The following TRDN variants were observed in gnomAD, a reference collection of about 807,000 sequenced individuals.
TRDN encodes triadin, also known as triadin in skeletal muscle.
In TRDN, 161 loss-of-function variants were observed where a neutral mutation model predicts 149.7. The observed-to-expected ratio is 1.08, with a 90% CI of 0.95 to 1.23. The LOEUF (loss-of-function observed/expected upper bound fraction) is 1.23. Among genes scored for constraint, TRDN ranks in the 50% most tolerant of loss-of-function variants. TRDN has a pLI of 0.00. For missense variants in TRDN, 896 were observed against 823.5 expected (o/e 1.09, Z -1.08); for synonymous variants, 294 against 250.5 (o/e 1.17, Z -1.64).
chr6:123,331,825 T>C, intron 23 of TRDN, 54 bp downstream of exon 23: 1 of 1,198,550 alleles, frequency 8.3e-7, no homozygotes, highest in Non-Finnish European at 1.1e-6. Context: ...TGCAAATAAC[T>C]GAATATGCAA....
chr6:123,349,478 A>G, intron 21 of TRDN: 2 of 878,768 alleles, frequency 2.3e-6, no homozygotes, highest in Non-Finnish European at 2.7e-6. Flanking sequence ...AGGAATCTAT[A>G]ATATTATCAT....
chr6:123,398,086 C>A (rs767112430), intron 12 of TRDN, among the ~76,000 whole-genome samples: 2 of 152,224 alleles, frequency 1.3e-5, no homozygotes, highest in Non-Finnish European at 2.9e-5. Context: ...CTCACTGCAA[C>A]CTCCGCCTCC....
chr6:123,535,841 T>C (rs1780500571), intron 4 of TRDN, among the ~76,000 whole-genome samples: 1 of 152,162 alleles, frequency 6.6e-6, no homozygotes, highest in Admixed American at 6.5e-5. Flanking sequence ...TATAAATCTA[T>C]AGTATACTAA....
chr6:123,289,012 GGGGGGT>G (rs1165287392), intron 24 of TRDN, among the ~76,000 whole-genome samples: 4 of 95,774 alleles, frequency 4.2e-5, no homozygotes, highest in Non-Finnish European at 8.8e-5. Context: ...TTAAAAATGT[GGGGGGT>G]GTGTGTGTGT....
intron 37 of TRDN, among the ~76,000 whole-genome samples, chr6:123,254,200 G>A (rs926301859): frequency 6.6e-6 from 1 of 151,962 alleles, no homozygotes; most frequent in Non-Finnish European, 1.5e-5. Context: ...TTAAAAGAAT[G>A]TTTCAATATA....
At chr6:123,385,275 A>T (rs1781864098) in intron 14 of TRDN, among the ~76,000 whole-genome samples, 1 of 152,002 alleles carries the variant, frequency 6.6e-6, no homozygotes, top group Admixed American at 6.6e-5. Flanking sequence ...AAAATACAAA[A>T]AAATTAGCCG....
At position 123,255,102 on chromosome 6, in the gene TRDN, G is replaced by T; in HGVS notation, c.1930C>A (p.Gln644Lys). 1 of 1,377,722 alleles carries T rather than the reference G, an allele frequency of 7.3e-7. No homozygotes were observed. The allele number at this position is 1,377,722 out of a possible 1,614,324, so 85.3% of individuals were successfully genotyped here. Residue 644 changes from glutamine (Q) to lysine (K), a missense_variant, in exon 37 of 41, where the codon CAA (glutamine) becomes AAA (lysine). Physicochemically the swap from Gln to Lys is moderately conservative, Grantham distance 53. Transcript: ENST00000334268. ...EKVSTRKESLQLHNVTKAEKP... is the reference protein window; with the variant it reads ...EKVSTRKESLKLHNVTKAEKP... ...TTACCTTTTGTCACATTGTGTAATT[G>T]AAGACTTTCTTTTCTTGTTGAGACT... is the stretch of plus-strand genomic sequence containing the variant.
chr6:123,246,513 C>T (rs994335953), intron 38 of TRDN, among the ~76,000 whole-genome samples: 1 of 151,984 alleles, frequency 6.6e-6, no homozygotes, highest in Admixed American at 6.6e-5. Context: ...GACACATACA[C>T]CCTCCCAAGA....
At chr6:123,437,722 T>C (rs990536224) in intron 12 of TRDN, among the ~76,000 whole-genome samples, 2 of 152,128 alleles carry the variant, frequency 1.3e-5, no homozygotes, top group African/African-American at 4.8e-5. Flanking sequence ...CTTCTTACCA[T>C]GCAGATATAA....
At chr6:123,319,505 T>C (rs980072621) in intron 23 of TRDN, among the ~76,000 whole-genome samples, 1 of 152,122 alleles carries the variant, frequency 6.6e-6, no homozygotes, top group Non-Finnish European at 1.5e-5. Flanking sequence ...ACTTTATATA[T>C]GAAGCTTAAT....
chr6:123,305,108 G>A (rs1244471652), intron 24 of TRDN, among the ~76,000 whole-genome samples: 2 of 152,028 alleles, frequency 1.3e-5, no homozygotes, highest in Non-Finnish European at 2.9e-5. Context: ...TACTACCAAG[G>A]TGCCAAGGCT....
intron 10 of TRDN, among the ~76,000 whole-genome samples, chr6:123,456,592 C>T (rs758687454): frequency 4.6e-5 from 7 of 152,038 alleles, no homozygotes; most frequent in African/African-American, 7.2e-5. Flanking sequence ...CCTCATCTTC[C>T]TGAGTAGCTG....
chr6:123,424,386 A>G (rs1427813429), intron 12 of TRDN, among the ~76,000 whole-genome samples: 4 of 152,114 alleles, frequency 2.6e-5, no homozygotes, highest in Admixed American at 6.6e-5. Flanking sequence ...ATTTTACAGC[A>G]AAGTTGAAGT....
At chr6:123,513,517 G>A (rs1479376606) in intron 6 of TRDN, among the ~76,000 whole-genome samples, 1 of 151,862 alleles carries the variant, frequency 6.6e-6, no homozygotes, top group Non-Finnish European at 1.5e-5. Flanking sequence ...ATTTCATTGA[G>A]TCAGAATACA....
At chr6:123,387,218 C>A (rs958880219) in intron 14 of TRDN, among the ~76,000 whole-genome samples, 2 of 152,050 alleles carry the variant, frequency 1.3e-5, no homozygotes, top group Admixed American at 1.3e-4. Context: ...AAAATCTTAA[C>A]TATTAAAACT....
intron 4 of TRDN, among the ~76,000 whole-genome samples, chr6:123,545,558 T>C (rs2114421915): frequency 6.6e-6 from 1 of 152,012 alleles, no homozygotes; most frequent in East Asian, 1.9e-4. Flanking sequence ...AATGTCAATT[T>C]TTTTCATGTA....
intron 12 of TRDN, among the ~76,000 whole-genome samples, chr6:123,401,263 T>C (rs1230646537): frequency 6.6e-6 from 1 of 152,218 alleles, no homozygotes; most frequent in Non-Finnish European, 1.5e-5. Context: ...ATTACATTGA[T>C]AAATTACCAT....
At chr6:123,529,275 C>T (rs1352253065) in intron 5 of TRDN, 2 of 1,548,914 alleles carry the variant, frequency 1.3e-6, no homozygotes, top group Non-Finnish European at 1.7e-6. Context: ...AATCCGTACT[C>T]AAGAGCTGTG....
At chr6:123,569,945 C>A (rs1782478474) in intron 2 of TRDN, among the ~76,000 whole-genome samples, 1 of 152,206 alleles carries the variant, frequency 6.6e-6, no homozygotes, top group Non-Finnish European at 1.5e-5. Flanking sequence ...ACCCAAACAA[C>A]AGAGTTCTAT....
Sources: gnomAD v4.1 joint callset for allele counts (sites outside exome capture counted in the v4.1 genomes callset) on GRCh38, gnomAD v4.1.1 for gene constraint, MANE v1.5 for transcripts, NCBI Gene and HGNC (gene_info 2026-07-23, HGNC 2026-07-21) for gene names.